The following INSC variants were observed in gnomAD, a reference collection of about 807,000 sequenced individuals.
The protein encoded by INSC is INSC spindle orientation adaptor protein.
INSC carries 67 observed loss-of-function variants against 58.6 expected under a neutral mutation model. That is an observed-to-expected ratio of 1.14 (90% confidence interval 0.94 to 1.40). The LOEUF (loss-of-function observed/expected upper bound fraction) is 1.40. Ranked by LOEUF, INSC falls within the 40% of genes most tolerant of loss-of-function variation. The probability of loss-of-function intolerance (pLI) is 0.00; values close to 1 mark genes in which losing one functional copy is unlikely to be tolerated. For synonymous variants in INSC, 262 were observed against 276.1 expected (o/e 0.95, Z 0.51); for missense variants, 714 against 692.0 (o/e 1.03, Z -0.36).
intron 9 of INSC, among the ~76,000 whole-genome samples, chr11:15,233,725 C>T (rs889936171): frequency 6.6e-6 from 1 of 151,762 alleles, no homozygotes; most frequent in Non-Finnish European, 1.5e-5. Flanking sequence ...CTCCCTTCCT[C>T]CCTCCTTCCC....
chr11:15,176,085 A>G lies in INSC; in HGVS notation c.401A>G (p.Glu134Gly). The stretch of plus-strand genomic sequence containing the variant: ...AGGAACTCCTTGAAGGAAATGGGCG[A>G]GGTCAGCTGCCCTGGGATAGGAGTG... ...VSRNSLKEMG[E>G]IEKLLMEKCS... Residue 134 changes from glutamate (E) to glycine (G), a missense_variant and splice_region_variant, in exon 3 of 13, where the codon GAG becomes GGG. Physicochemically the swap from Glu to Gly is moderately conservative, Grantham distance 98. Transcript: ENST00000379556. 6.6e-7 allele frequency: 1 copy of G among 1,512,190 alleles called. No individual in the cohort carries two copies. The highest frequency in any genetic ancestry group is 8.9e-7 in the Non-Finnish European group (1 of 1,118,758). 93.7% of individuals were successfully genotyped at this position (1,512,190 alleles called of 1,614,324 possible).
chr11:15,221,676 T>TA (rs1400909153), intron 8 of INSC, 28 bp downstream of exon 8: 1 of 1,584,054 alleles, frequency 6.3e-7, no homozygotes, highest in African/African-American at 1.4e-5. Context: ...GCGGGACCAC[T>TA]AGGAGAGAGG....
intron 6 of INSC, among the ~76,000 whole-genome samples, chr11:15,194,013 GCCTGTAGCCACT>G (rs1293354545): frequency 1.4e-4 from 22 of 152,152 alleles, no homozygotes; most frequent in African/African-American, 5.1e-4. Flanking sequence ...TCTGAAAAAT[GCCTGTAGCCACT>G]CCAATACTAC....
chr11:15,116,831 TTC>T (rs1360747313), intron 1 of INSC, among the ~76,000 whole-genome samples: 1 of 41,506 alleles, frequency 2.4e-5, no homozygotes, highest in Non-Finnish European at 4.5e-5. Flanking sequence ...CTTTCTTTCT[TTC>T]TTTCTTTCTT....
At chr11:15,227,587 C>T (rs1166103165) in intron 9 of INSC, among the ~76,000 whole-genome samples, 2 of 152,168 alleles carry the variant, frequency 1.3e-5, no homozygotes, top group African/African-American at 4.8e-5. Flanking sequence ...GATCTTATTA[C>T]TTCTAAGAGT....
chr11:15,200,675 AGT>A, intron 6 of INSC, 147 bp from the exon 7 acceptor site: 1 of 854,714 alleles, frequency 1.2e-6, no homozygotes, highest in East Asian at 2.6e-5. Context: ...TGAGCATTTG[AGT>A]GTGTGTAAGT....
At chr11:15,232,220 A>G (rs1407153177) in intron 9 of INSC, among the ~76,000 whole-genome samples, 1 of 152,210 alleles carries the variant, frequency 6.6e-6, no homozygotes, top group African/African-American at 2.4e-5. Context: ...GGGATCTCAC[A>G]TTAGCAGCGT....
chr11:15,250,989 A>C (rs928997677), downstream of INSC, among the ~76,000 whole-genome samples: 3 of 152,242 alleles, frequency 2.0e-5, no homozygotes, highest in Non-Finnish European at 2.9e-5. Flanking sequence ...TAATCCAAGA[A>C]GTTCTAAAGA....
intron 12 of INSC, among the ~76,000 whole-genome samples, chr11:15,244,081 T>A (rs1713470813): frequency 6.6e-6 from 1 of 152,202 alleles, no homozygotes; most frequent in Admixed American, 6.5e-5. Flanking sequence ...CTCTGTCTCC[T>A]TGTCTCCCTT....
In INSC at chr11:15,240,701, A is replaced by G. The variant is rs144973053; in HGVS notation, c.1470+178A>G. ...TTTGTTTCACTTAATTCATAAAATCATGATGAAAATTATATGAGGTCATAT... is the reference window on the plus strand; with the variant it reads ...TTTGTTTCACTTAATTCATAAAATCGTGATGAAAATTATATGAGGTCATAT... On this transcript the variant is annotated intron_variant, in intron 12 of 12. Coordinates refer to ENST00000379556, the MANE Select transcript of INSC (RefSeq NM_001042536.3). 1.1e-3 allele frequency among the ~76,000 whole-genome samples: 172 copies of G among 152,338 alleles called. 2 individuals are homozygous for G. Among genetic ancestry groups the G allele is most frequent in the African/African-American group, 3.8e-3 (160 of 41,576 alleles).
In INSC at chr11:15,228,262, G is replaced by A. The variant is rs141099153; in HGVS notation, c.1170+2434G>A. Among the ~76,000 whole-genome samples the A allele has an allele frequency of 1.4e-4, 21 of 152,264 alleles. No homozygotes were observed. The East Asian group carries it at 4.1e-3, about 29-fold the overall frequency. On this transcript the variant is annotated intron_variant, in intron 9 of 12. Coordinates refer to ENST00000379556, the MANE Select transcript of INSC (RefSeq NM_001042536.3). ...ACCTCTTCCATCTTGAACATCCTCT[G>A]TCTCTATGTGTAGAAGTCCCCTTCT...
chr11:15,113,151 C>A (rs202112049), upstream of INSC, among the ~76,000 whole-genome samples: 36 of 31,066 alleles, frequency 1.2e-3, 2 homozygotes, highest in Non-Finnish European at 3.6e-4. Context: ...CTTTCTGTCT[C>A]TCTCTCTCTC....
intron 2 of INSC, among the ~76,000 whole-genome samples, chr11:15,171,576 A>G (rs1400336051): frequency 2.0e-5 from 3 of 152,080 alleles, no homozygotes; most frequent in African/African-American, 7.2e-5. Flanking sequence ...GGATATGACC[A>G]CCTCCTCCAG....
At chr11:15,260,729 A>G in the INSC span, among the ~76,000 whole-genome samples, 4 of 152,170 alleles carry the variant, frequency 2.6e-5, no homozygotes, top group Non-Finnish European at 4.4e-5. Flanking sequence ...AAGAATAGGA[A>G]ACTTTCCCTG....
intron 7 of INSC, among the ~76,000 whole-genome samples, chr11:15,207,330 G>A (rs533427851): frequency 4.9e-4 from 75 of 152,140 alleles, no homozygotes; most frequent in Non-Finnish European, 9.1e-4. Flanking sequence ...TTCAAATAAC[G>A]AGTTAGTTCA....
chr11:15,262,621 G>C, the INSC span, among the ~76,000 whole-genome samples: 1 of 149,752 alleles, frequency 6.7e-6, no homozygotes, highest in Non-Finnish European at 1.5e-5. Flanking sequence ...CCTCACATGA[G>C]TTTTCAGACT....
intron 7 of INSC, among the ~76,000 whole-genome samples, chr11:15,214,866 C>T (rs1441529131): frequency 6.6e-6 from 1 of 152,158 alleles, no homozygotes; most frequent in East Asian, 1.9e-4. Flanking sequence ...CCCACCAATC[C>T]TTTTATGCAA....
downstream of INSC, among the ~76,000 whole-genome samples, chr11:15,248,864 G>C (rs779500505): frequency 6.6e-6 from 1 of 152,150 alleles, no homozygotes; most frequent in East Asian, 1.9e-4. Context: ...CTTGAATGCC[G>C]AGTTAAGGAA....
chr11:15,113,386 C>G (rs1361574741), upstream of INSC, among the ~76,000 whole-genome samples: 2 of 152,080 alleles, frequency 1.3e-5, no homozygotes, highest in Non-Finnish European at 2.9e-5. Context: ...GACTTAATCT[C>G]CGGACTTTGT....
Sources: gnomAD v4.1 joint callset for allele counts (sites outside exome capture counted in the v4.1 genomes callset) on GRCh38, gnomAD v4.1.1 for gene constraint, MANE v1.5 for transcripts, NCBI Gene and HGNC (gene_info 2026-07-23, HGNC 2026-07-21) for gene names.